DNAH8: variants seen among roughly 807,000 people sequenced by gnomAD.
DNAH8 encodes the protein axonemal beta dynein heavy chain 8.
A neutral mutation model predicts 562.1 loss-of-function variants in DNAH8; 382 were observed. The ratio of observed to expected loss-of-function variants is 0.68; its 90% CI spans 0.63 to 0.74. The LOEUF is 0.74. Ranked by LOEUF, DNAH8 falls within the 30% of genes least tolerant of loss-of-function variation. The pLI is 0.00. For synonymous variants in DNAH8, 1,881 were observed against 1,919.4 expected (o/e 0.98, Z 0.52); for missense variants, 5,203 against 5,620.4 (o/e 0.93, Z 2.37).
At chr6:38,794,640 G>T (rs566699698) in intron 21 of DNAH8, among the ~76,000 whole-genome samples, 418 of 152,242 alleles carry the variant, frequency 2.7e-3, no homozygotes, top group Middle Eastern at 0.024. Context: ...TGAACTTCAT[G>T]TAAATGGAAT....
rs866809741 is a variant in DNAH8 at position 38,743,034 on chromosome 6, T to A, written c.1293+1147T>A. ...TTTTTTTTTTTTTTTTTTTTTTTTT[T>A]AAAGACAGAATCTTACTCTGTCACC... is the stretch of plus-strand genomic sequence containing the variant. On this transcript the variant is annotated intron_variant, in intron 8 of 92. Transcript: ENST00000327475. Among the ~76,000 whole-genome samples the A allele has an allele frequency of 5.0e-3, 383 of 76,408 alleles. 1 individual carries two copies. The highest frequency in any genetic ancestry group is 0.011 in the South Asian group (25 of 2,374). The allele number at this position is 76,408 out of a possible 152,430, so 50.1% of individuals were successfully genotyped here.
At position 38,883,053 on chromosome 6, in the gene DNAH8, GTAAGTTTAATAGA is replaced by G. The variant is rs1268484217; in HGVS notation, c.8001+4_8001+16del. 6.3e-7 allele frequency: 1 copy of G among 1,586,076 alleles called. No homozygotes were observed. On this transcript the variant is annotated splice_donor_variant and splice_donor_5th_base_variant and intron_variant, in intron 54 of 92. Transcript: ENST00000327475. LOFTEE classifies it high-confidence loss of function. ...AGACACCATTGCAAAACAACATAAA[GTAAGTTTAATAGA>G]TAGTTCCTTAAATGATCACAAACCA...
At position 38,984,207 on chromosome 6, in the gene DNAH8, G is replaced by T. The variant is rs767211001; in HGVS notation, c.12953G>T (p.Gly4318Val). The T allele has an allele frequency of 2.6e-6, 4 of 1,530,228 alleles. No homozygotes were observed. The highest frequency in any genetic ancestry group is 1.4e-5 in the African/African-American group (1 of 73,308). 94.8% of individuals were successfully genotyped at this position (1,530,228 alleles called of 1,614,324 possible). A position where few individuals can be genotyped will look rare whatever the true frequency, so the allele number is the denominator to read the frequency against. The change falls in exon 87 of 93, where the codon GGT becomes GTT. Residue 4318 changes from glycine to valine, a missense_variant and splice_region_variant. Coordinates refer to ENST00000327475, the MANE Select transcript of DNAH8 (RefSeq NM_001206927.2). ...AATCCTTTTTTACTTTTAATAAAGG[G>T]TGTATCATGGAATACGGTTCGGTAC... ...NHLDECDIKK[G>V]VSWNTVRYMI... is the part of the protein sequence containing the mutation.
chr6:38,756,449 C>T (rs1765914444), intron 10 of DNAH8, among the ~76,000 whole-genome samples: 1 of 152,072 alleles, frequency 6.6e-6, no homozygotes, highest in Non-Finnish European at 1.5e-5. Flanking sequence ...TGTAGCGCCG[C>T]ATGGTTAATT....
Position 39,030,166 on chromosome 6 carries a change from A to G in DNAH8, c.13898A>G (p.Lys4633Arg). The G allele has an allele frequency of 6.2e-7, 1 of 1,614,050 alleles. No individual in the cohort carries two copies. The change falls in exon 93 of 93, where the codon AAG becomes AGG. Residue 4633 changes from lysine (K) to arginine (R), a missense_variant. Physicochemically the swap from Lys to Arg is conservative, Grantham distance 26. Coordinates refer to ENST00000327475, the MANE Select transcript of DNAH8 (RefSeq NM_001206927.2). ...GCAGCCTGGGACAGACGGAATGGGAAGCTCATGGAATCCACCCCCAAGGTA... is the reference window on the plus strand; with the variant it reads ...GCAGCCTGGGACAGACGGAATGGGAGGCTCATGGAATCCACCCCCAAGGTA... The part of the protein sequence containing the change: ...DGAAWDRRNG[K>R]LMESTPKVLF...
chr6:38,836,915 A>G (rs1316701899), intron 32 of DNAH8, among the ~76,000 whole-genome samples: 1 of 152,204 alleles, frequency 6.6e-6, no homozygotes, highest in Non-Finnish European at 1.5e-5. Flanking sequence ...AGTGATTAGC[A>G]TCCATCAATA....
At chr6:38,828,436 C>A in intron 30 of DNAH8, 148 bp downstream of exon 30, 2 of 537,200 alleles carry the variant, frequency 3.7e-6, no homozygotes, top group South Asian at 5.5e-5. Context: ...CAACGGTGAT[C>A]TCATAAGATT....
chr6:38,879,857 C>T (rs956835366), intron 53 of DNAH8, among the ~76,000 whole-genome samples: 1 of 152,124 alleles, frequency 6.6e-6, no homozygotes, highest in African/African-American at 2.4e-5. Context: ...GGTCACAGGA[C>T]AAAAGGGCCA....
Position 38,883,318 on chromosome 6 carries a change from G to T in DNAH8, c.8002-4G>T, listed in dbSNP as rs747065221. The T allele has an allele frequency of 6.2e-7, 1 of 1,604,202 alleles. No homozygotes were observed. The highest frequency in any genetic ancestry group is 1.1e-5 in the South Asian group (1 of 88,466). On this transcript the variant is annotated splice_region_variant and splice_polypyrimidine_tract_variant and intron_variant, in intron 54 of 92. Transcript: ENST00000327475. The stretch of plus-strand genomic sequence containing the variant: ...ATTTCAACACTATTATCCTATGATT[G>T]CAGGCTGTTTTGCTCACAGGAGAGC...
chr6:38,723,307 C>CA, intron 2 of DNAH8, 30 bp from the exon 3 acceptor site: 1 of 1,582,180 alleles, frequency 6.3e-7, no homozygotes, highest in Non-Finnish European at 8.6e-7. Flanking sequence ...TTCAGAATTG[C>CA]AATTTTTGAA....
chr6:39,023,907 C>G (rs568204242), intron 91 of DNAH8, among the ~76,000 whole-genome samples: 4 of 152,302 alleles, frequency 2.6e-5, no homozygotes, highest in Admixed American at 1.3e-4. Flanking sequence ...TAAGTGTGTT[C>G]TAGAGTTCAC....
chr6:39,017,901 C>T (rs1766663674), intron 91 of DNAH8, among the ~76,000 whole-genome samples: 2 of 152,108 alleles, frequency 1.3e-5, no homozygotes, highest in Admixed American at 6.5e-5. Flanking sequence ...AAAAGTCTGC[C>T]GTTTGTGGAG....
At chr6:38,905,267 T>G (rs893056390) in intron 62 of DNAH8, among the ~76,000 whole-genome samples, 43 of 152,204 alleles carry the variant, frequency 2.8e-4, no homozygotes, top group African/African-American at 8.9e-4. Context: ...CCCATGAGGA[T>G]TTACATACAA....
At chr6:38,854,467 G>C (rs1336719848) in intron 41 of DNAH8, among the ~76,000 whole-genome samples, 1 of 152,134 alleles carries the variant, frequency 6.6e-6, no homozygotes, top group African/African-American at 2.4e-5. Context: ...CAGCTGAAAT[G>C]ATGTATCATT....
intron 79 of DNAH8, among the ~76,000 whole-genome samples, chr6:38,944,647 A>G (rs181547430): frequency 6.6e-6 from 1 of 152,354 alleles, no homozygotes; most frequent in Non-Finnish European, 1.5e-5. Context: ...GGGTATGCCC[A>G]TTTGGCCTGA....
intron 82 of DNAH8, chr6:38,952,986 A>C (rs955912024): frequency 6.6e-6 from 1 of 152,218 alleles, no homozygotes; most frequent in Admixed American, 6.5e-5. Flanking sequence ...GTGTTTATCC[A>C]GCTGCCTCTA....
chr6:38,883,260 A>G lies in DNAH8; in HGVS notation c.8002-62A>G, dbSNP rs910821564. On this transcript the variant is annotated intron_variant, in intron 54 of 92. Transcript: ENST00000327475. ...TTATAGAAGACTAGCCCATAGAATC[A>G]TAAGATATTTGAAACTAAATAAGTT... 3.0e-5 allele frequency: 46 copies of G among 1,516,830 alleles called. No individual in the cohort carries two copies. In the African/African-American group the frequency reaches 3.2e-4, roughly 11 times the overall value. The allele number at this position is 1,516,830 out of a possible 1,614,324, so 94.0% of individuals were successfully genotyped here.
chr6:38,762,221 G>A (rs879543350), intron 11 of DNAH8, among the ~76,000 whole-genome samples: 4 of 152,148 alleles, frequency 2.6e-5, no homozygotes, highest in African/African-American at 4.8e-5. Context: ...GGATGCTTTT[G>A]TAAGATTTAA....
intron 30 of DNAH8, among the ~76,000 whole-genome samples, chr6:38,831,251 C>G (rs1168421276): frequency 6.6e-6 from 1 of 151,892 alleles, no homozygotes; most frequent in Non-Finnish European, 1.5e-5. Context: ...ATGTCAAAAC[C>G]TTGTCTCTAC....
Sources: gnomAD v4.1 joint callset for allele counts (sites outside exome capture counted in the v4.1 genomes callset) on GRCh38, gnomAD v4.1.1 for gene constraint, MANE v1.5 for transcripts, NCBI Gene and HGNC (gene_info 2026-07-23, HGNC 2026-07-21) for gene names.